Variants in HNRNPC observed in about 807,000 individuals in gnomAD.
HNRNPC encodes heterogeneous nuclear ribonucleoprotein C.
A neutral mutation model predicts 33.2 loss-of-function variants in HNRNPC; 3 were observed. That is an observed-to-expected ratio of 0.09 (90% CI 0.04 to 0.23). The LOEUF (loss-of-function observed/expected upper bound fraction) is 0.23, where lower values mean the gene tolerates loss of function less well. Ranked by LOEUF, HNRNPC falls within the 10% of genes least tolerant of loss-of-function variation. HNRNPC has a pLI of 1.00. For synonymous variants in HNRNPC, 121 were observed against 126.7 expected, an observed-to-expected ratio of 0.96 and a Z score of 0.30; for missense variants, 143 against 366.7, an observed-to-expected ratio of 0.39 and a Z score of 4.98.
At chr14:21,243,038 T>C (rs1038416858) in intron 2 of HNRNPC, among the ~76,000 whole-genome samples, 5 of 152,180 alleles carry the variant, frequency 3.3e-5, no homozygotes, top group Non-Finnish European at 5.9e-5. Context: ...GGCAGGAGAA[T>C]TGCTTGAACC....
At chr14:21,257,756 A>G (rs1164451217) in intron 2 of HNRNPC, among the ~76,000 whole-genome samples, 1 of 152,078 alleles carries the variant, frequency 6.6e-6, no homozygotes, top group Non-Finnish European at 1.5e-5. Context: ...AGCTTTTTGT[A>G]GACAGGCTCT....
At chr14:21,261,358 G>C (rs1431981535) in intron 2 of HNRNPC, among the ~76,000 whole-genome samples, 1 of 152,120 alleles carries the variant, frequency 6.6e-6, no homozygotes, top group Non-Finnish European at 1.5e-5. Flanking sequence ...ACTGACAGCA[G>C]CAAAGAAGAA....
intron 2 of HNRNPC, among the ~76,000 whole-genome samples, chr14:21,246,856 A>C (rs910782754): frequency 6.6e-6 from 1 of 152,218 alleles, no homozygotes; most frequent in South Asian, 2.1e-4. Flanking sequence ...AATGAAGAAG[A>C]CATTTGTGAT....
intron 2 of HNRNPC, among the ~76,000 whole-genome samples, chr14:21,244,067 T>G (rs1208333983): frequency 6.6e-6 from 1 of 152,096 alleles, no homozygotes; most frequent in Non-Finnish European, 1.5e-5. Flanking sequence ...TAGCTCTTGT[T>G]GCCCAGGCTG....
At chr14:21,233,910 A>G (rs1894390270) in intron 3 of HNRNPC, 43 bp downstream of exon 3, 2 of 1,584,090 alleles carry the variant, frequency 1.3e-6, no homozygotes, top group Non-Finnish European at 1.7e-6. Context: ...TGAATAGAAA[A>G]ACTCAGGCCT....
chr14:21,248,830 GTTT>G (rs1468470317), intron 2 of HNRNPC, among the ~76,000 whole-genome samples: 1 of 152,184 alleles, frequency 6.6e-6, no homozygotes, highest in African/African-American at 2.4e-5. Flanking sequence ...AAAACTGCGT[GTTT>G]TTTGACTCAG....
intron 2 of HNRNPC, among the ~76,000 whole-genome samples, chr14:21,241,455 AT>A (rs1288888016): frequency 6.6e-6 from 1 of 152,176 alleles, no homozygotes; most frequent in Non-Finnish European, 1.5e-5. Flanking sequence ...GGTTTACTAA[AT>A]TTTCTGTATT....
At chr14:21,249,597 A>AC (rs1555358488) in intron 2 of HNRNPC, among the ~76,000 whole-genome samples, 79 of 131,340 alleles carry the variant, frequency 6.0e-4, no homozygotes, top group African/African-American at 1.8e-3. Context: ...CAAAAACAAA[A>AC]AAAAAAAAAA....
At chr14:21,242,769 A>G (rs1017498087) in intron 2 of HNRNPC, among the ~76,000 whole-genome samples, 3 of 152,226 alleles carry the variant, frequency 2.0e-5, no homozygotes, top group Non-Finnish European at 4.4e-5. Context: ...AACACGCATT[A>G]TCACCTACGC....
intron 2 of HNRNPC, among the ~76,000 whole-genome samples, chr14:21,241,641 A>G (rs1412311606): frequency 6.6e-6 from 1 of 152,168 alleles, no homozygotes; most frequent in Non-Finnish European, 1.5e-5. Context: ...CTATCTGGTC[A>G]CCATTTTTGT....
intron 2 of HNRNPC, among the ~76,000 whole-genome samples, chr14:21,252,278 T>C (rs1385634730): frequency 6.6e-6 from 1 of 152,172 alleles, no homozygotes; most frequent in Non-Finnish European, 1.5e-5. Flanking sequence ...GTTCTCAGGG[T>C]AGTACTTCTG....
At chr14:21,262,539 C>T (rs1489475898) in intron 2 of HNRNPC, 1 of 152,254 alleles carries the variant, frequency 6.6e-6, no homozygotes. Flanking sequence ...ATCAGCTAAA[C>T]TGTTAAACGG....
intron 2 of HNRNPC, among the ~76,000 whole-genome samples, chr14:21,255,630 G>A (rs1024078722): frequency 6.6e-6 from 1 of 152,144 alleles, no homozygotes; most frequent in Non-Finnish European, 1.5e-5. Flanking sequence ...ACATTTTTAA[G>A]CTTTTTAATT....
chr14:21,261,778 T>G (rs1384481242), intron 2 of HNRNPC, among the ~76,000 whole-genome samples: 1 of 152,202 alleles, frequency 6.6e-6, no homozygotes, highest in Non-Finnish European at 1.5e-5. Context: ...TCTCCCAGCT[T>G]GAAACCTATC....
intron 2 of HNRNPC, among the ~76,000 whole-genome samples, chr14:21,256,374 G>A (rs1050364657): frequency 6.6e-6 from 1 of 151,888 alleles, no homozygotes; most frequent in African/African-American, 2.4e-5. Flanking sequence ...GCTTGAACCC[G>A]GGAGGCAGAG....
intron 2 of HNRNPC, among the ~76,000 whole-genome samples, chr14:21,243,899 T>C (rs767323836): frequency 2.0e-5 from 3 of 152,108 alleles, no homozygotes; most frequent in Non-Finnish European, 2.9e-5. Flanking sequence ...ATTAGTAAAA[T>C]ATACATATAT....
Position 21,211,215 on chromosome 14 carries a change from C to A in HNRNPC, c.*8G>T, listed in dbSNP as rs202220066. 162 of 1,612,926 alleles carry A rather than the reference C, an allele frequency of 1.0e-4. No homozygotes were observed. In the Middle Eastern group the frequency reaches 1.2e-3, roughly 11 times the overall value. On this transcript the variant is annotated 3_prime_UTR_variant, in exon 9 of 9. Transcript: ENST00000553300. The stretch of plus-strand genomic sequence containing the variant: ...AATGGGATAAGATTTCTAAACCCCA[C>A]TATGTGCTTAAGAGTCATCCTCGCC...
intron 2 of HNRNPC, among the ~76,000 whole-genome samples, chr14:21,248,483 T>C (rs1166313039): frequency 2.0e-5 from 3 of 152,194 alleles, no homozygotes; most frequent in Non-Finnish European, 4.4e-5. Flanking sequence ...GAATGAAGCA[T>C]AAATGAAACA....
chr14:21,213,178 C>T, intron 5 of HNRNPC, 61 bp from the exon 6 acceptor site: 1 of 1,503,066 alleles, frequency 6.7e-7, no homozygotes, highest in Non-Finnish European at 9.2e-7. Context: ...CACAATTCAA[C>T]AGACCTTATG....
Sources: allele counts gnomAD v4.1 joint callset (sites outside exome capture counted in the v4.1 genomes callset), GRCh38; gene constraint gnomAD v4.1.1; transcripts MANE v1.5; gene names NCBI Gene and HGNC (gene_info 2026-07-23, HGNC 2026-07-21).